NUMA1: variants seen among roughly 807,000 people sequenced by gnomAD.
The protein encoded by NUMA1 is nuclear mitotic apparatus protein 1.
NUMA1 carries 62 observed loss-of-function variants against 237.1 expected under a neutral mutation model. That is an observed-to-expected ratio of 0.26 (90% confidence interval 0.21 to 0.32). The LOEUF is 0.32. NUMA1 is among the 10% of genes least tolerant of loss of function. The pLI is 1.00. For missense variants in NUMA1, 2,533 were observed against 2,666.5 expected (o/e 0.95, Z 1.10); for synonymous variants, 1,028 against 1,066.1 (o/e 0.96, Z 0.70).
rs148430833 is a variant in NUMA1 at position 72,006,098 on chromosome 11, G to A, written c.5629C>T (p.Arg1877Cys). 17 of 1,613,998 alleles carry A rather than the reference G, an allele frequency of 1.1e-5. No homozygotes were observed. The highest frequency in any genetic ancestry group is 1.7e-5 in the Admixed American group (1 of 60,010). Residue 1877 changes from arginine (R) to cysteine (C), a missense_variant, in exon 22 of 27, where the codon CGC becomes TGC. Arg to Cys is a radical substitution (Grantham distance 180). Around this residue, in one of 3 missense-constraint regions of NUMA1, gnomAD observed 795 missense variants for 750.8 expected, o/e 1.06. Coordinates refer to ENST00000393695, the MANE Select transcript of NUMA1 (RefSeq NM_006185.4). ...NSALLSLPGYRPTTRSSARRS... is the reference protein window; with the variant it reads ...NSALLSLPGYCPTTRSSARRS... ...CGAGCAGAACTGCGAGTGGTGGGGC[G>A]GTAGCCAGGCAAGCTGAGCAGGGCT...
At chr11:72,022,521 T>C in intron 6 of NUMA1, 102 bp from the exon 7 acceptor site, 1 of 723,680 alleles carries the variant, frequency 1.4e-6, no homozygotes, top group Non-Finnish European at 2.4e-6. Flanking sequence ...CGGTGACTCT[T>C]CTAAAAGTCC....
At chr11:72,007,078 C>T (rs1262454910) in intron 21 of NUMA1, 111 bp downstream of exon 21, 2 of 1,327,508 alleles carry the variant, frequency 1.5e-6, no homozygotes, top group Non-Finnish European at 2.1e-6. Flanking sequence ...CCCACTGTAA[C>T]ATGGACTGGC....
chr11:72,046,420 T>A lies in NUMA1; in HGVS notation c.-32-10445A>T, dbSNP rs377427664. Among the ~76,000 whole-genome samples, 13 of 152,234 alleles carry A rather than the reference T, an allele frequency of 8.5e-5. No homozygotes were observed. The East Asian group carries it at 1.4e-3, about 16-fold the overall frequency. ...TTAGCTGGGTGTGGTGGCGCATGCC[T>A]GTAATCCCAGCTATTCGGGAGGCTG... On this transcript the variant is annotated intron_variant, in intron 2 of 26. Transcript: ENST00000393695.
rs564968082 is a variant in NUMA1, at chr11:72,014,429, G to A, written c.3074C>T (p.Ala1025Val). The change falls in exon 15 of 27, where the codon GCG (alanine) becomes GTG (valine). Residue 1025 changes from alanine to valine, a missense_variant. Physicochemically the swap from Ala to Val is moderately conservative, Grantham distance 64. Coordinates refer to ENST00000393695, the MANE Select transcript of NUMA1 (RefSeq NM_006185.4). The surrounding 1 kb of genome is among the most constrained non-coding windows in gnomAD (Gnocchi z 4.6). ...CCGCATCTCAAGCTCTGCTCTGGCC[G>A]CCTTCTCCAGGGCAAGGTCAGCCTG... ...RAQADLALEK[A>V]ARAELEMRLQ... 76 of 1,607,332 alleles carry A rather than the reference G, an allele frequency of 4.7e-5. No homozygotes were observed. Among genetic ancestry groups the A allele is most frequent in the Non-Finnish European group, 6.0e-5 (71 of 1,179,982 alleles).
intron 2 of NUMA1, among the ~76,000 whole-genome samples, chr11:72,045,659 T>C (rs1318708014): frequency 1.3e-5 from 2 of 152,130 alleles, no homozygotes; most frequent in East Asian, 3.9e-4. Context: ...TTGTATTTTT[T>C]TGTAGAGACA....
In NUMA1 at chr11:72,019,596, G is replaced by C; in HGVS notation, c.482C>G (p.Ser161Cys). The C allele has an allele frequency of 9.9e-6, 16 of 1,613,818 alleles. No homozygotes were observed. Among genetic ancestry groups the C allele is most frequent in the Non-Finnish European group, 1.4e-5 (16 of 1,179,800 alleles). The change falls in exon 9 of 27, where the codon TCT becomes TGT. Residue 161 changes from serine (S) to cysteine (C), a missense_variant. Coordinates refer to ENST00000393695, the MANE Select transcript of NUMA1 (RefSeq NM_006185.4). ...GGAGAGCTCTTCAGGGAATGTGCTAGAACAGGTAGAAGGCACAGGAGCTGG... is the reference window on the plus strand; with the variant it reads ...GGAGAGCTCTTCAGGGAATGTGCTACAACAGGTAGAAGGCACAGGAGCTGG... ...LQKAPVPSTC[S>C]STFPEELSPP... is the part of the protein sequence containing the mutation.
Position 72,016,459 on chromosome 11 carries a change from C to A in NUMA1, c.1191G>T (p.Leu397=). 1 of 1,614,142 alleles carries A rather than the reference C, an allele frequency of 6.2e-7. No individual in the cohort carries two copies. The highest frequency in any genetic ancestry group is 8.5e-7 in the Non-Finnish European group (1 of 1,180,040). ...CCTTCTCCTGGGGTGGGTTATCCTG[C>A]AGCTGGGACAAGTGTTCTTCCAGCT... ...LSQLEEHLSQ[L]QDNPPQEKGE... Residue 397 remains leucine (L), a synonymous_variant, in exon 14 of 27, where the codon CTG becomes CTT. Transcript: ENST00000393695.
At chr11:72,042,893 C>A (rs569325603) in intron 2 of NUMA1, among the ~76,000 whole-genome samples, 1 of 150,432 alleles carries the variant, frequency 6.6e-6, no homozygotes, top group African/African-American at 2.4e-5. Flanking sequence ...TTGGGTGGAC[C>A]ACTGAAGTCC....
chr11:72,037,414 G>T (rs927134069), intron 2 of NUMA1, among the ~76,000 whole-genome samples: 12 of 152,164 alleles, frequency 7.9e-5, no homozygotes, highest in African/African-American at 2.2e-4. Flanking sequence ...GCTGAGGCAG[G>T]AGAATGGCGT....
intron 2 of NUMA1, chr11:72,049,565 A>ATATATATATATATATATATATATATG (rs1232488803): frequency 2.7e-4 from 5 of 18,240 alleles, no homozygotes; most frequent in East Asian, 7.1e-4. Context: ...ATAATAATAT[A>ATATATATATATATATATATATATATG]TATATATATA....
intron 1 of NUMA1, among the ~76,000 whole-genome samples, chr11:72,079,397 C>T (rs569952201): frequency 1.1e-4 from 16 of 152,204 alleles, no homozygotes; most frequent in Non-Finnish European, 1.8e-4. Flanking sequence ...AAAAGTTAGC[C>T]GGGTGTGGTA....
intron 2 of NUMA1, among the ~76,000 whole-genome samples, chr11:72,063,459 C>T (rs767027743): frequency 6.6e-6 from 1 of 151,620 alleles, no homozygotes; most frequent in East Asian, 1.9e-4. Context: ...TTTGAGAGGC[C>T]GAGGCAGGAT....
intron 1 of NUMA1, among the ~76,000 whole-genome samples, chr11:72,075,991 G>GATT (rs1415040660): frequency 6.6e-6 from 1 of 152,184 alleles, no homozygotes; most frequent in Non-Finnish European, 1.5e-5. Flanking sequence ...TACTCAGTAA[G>GATT]ATAATAGACT....
intron 2 of NUMA1, among the ~76,000 whole-genome samples, chr11:72,061,023 C>G (rs1299457696): frequency 1.3e-5 from 2 of 152,140 alleles, no homozygotes; most frequent in African/African-American, 4.8e-5. Flanking sequence ...GAGCCGAGAT[C>G]GTGCCACTGC....
intron 3 of NUMA1, among the ~76,000 whole-genome samples, chr11:72,035,617 G>A (rs191652312): frequency 3.3e-5 from 5 of 151,572 alleles, no homozygotes; most frequent in Non-Finnish European, 7.4e-5. Flanking sequence ...CACCAGCTTG[G>A]CCAGGCTGGT....
intron 26 of NUMA1, 27 bp from the exon 27 acceptor site, chr11:72,003,565 G>C: frequency 6.2e-7 from 1 of 1,614,076 alleles, no homozygotes; most frequent in Non-Finnish European, 8.5e-7. Context: ...CACATGGCCA[G>C]ATGAGAACTT....
Position 72,049,560 on chromosome 11 carries a change from A to AAATATATATATATATATATATAT in NUMA1, c.-32-13586_-32-13585insATATATATATATATATATATATT, listed in dbSNP as rs1555034474. ...CCTGTCTAAAAAAAAAAATAATAATAATATATATATATATATATATATAGT... is the reference window on the plus strand; with the variant it reads ...CCTGTCTAAAAAAAAAAATAATAATAAATATATATATATATATATATATATATATATATATATATATATATAGT... On this transcript the variant is annotated intron_variant, in intron 2 of 26. Transcript: ENST00000393695. 28 of 41,004 alleles carry AAATATATATATATATATATATAT rather than the reference A, an allele frequency of 6.8e-4. 1 individual carries two copies. The highest frequency in any genetic ancestry group is 2.4e-3 in the African/African-American group (28 of 11,824). 2.5% of individuals were successfully genotyped at this position (41,004 alleles called of 1,614,324 possible).
chr11:72,048,402 T>C (rs1168574621), intron 2 of NUMA1, among the ~76,000 whole-genome samples: 1 of 151,598 alleles, frequency 6.6e-6, no homozygotes, highest in South Asian at 2.1e-4. Context: ...AGACAGAGTT[T>C]GCTTTGTCGC....
chr11:72,029,441 C>T (rs1202641913), intron 3 of NUMA1, 151 bp from the exon 4 acceptor site: 6 of 485,954 alleles, frequency 1.2e-5, no homozygotes, highest in Admixed American at 3.7e-5. Context: ...GAAGGAGTGC[C>T]GTTGCACTCA....
Sources: gnomAD v4.1 joint callset for allele counts (sites outside exome capture counted in the v4.1 genomes callset) on GRCh38, gnomAD v4.1.1 for gene constraint, gnomAD v4.1.1 regional missense constraint, Gnocchi (gnomAD v3.1) non-coding constraint, MANE v1.5 for transcripts, NCBI Gene and HGNC (gene_info 2026-07-23, HGNC 2026-07-21) for gene names.